ZFHX3: variants seen among roughly 807,000 people sequenced by gnomAD.
ZFHX3 encodes zinc finger homeobox 3.
ZFHX3 carries 42 observed loss-of-function variants against 279.1 expected under a neutral mutation model. The ratio of observed to expected loss-of-function variants is 0.15; its 90% confidence interval spans 0.12 to 0.19. ZFHX3 has a LOEUF of 0.19. ZFHX3 is among the 10% of genes least tolerant of loss of function. The probability of loss-of-function intolerance (pLI) is 1.00; values close to 1 mark genes in which losing one functional copy is unlikely to be tolerated. For missense variants in ZFHX3, 4,981 were observed against 4,754.0 expected (o/e 1.05, Z -1.40); for synonymous variants, 2,293 against 1,957.8 (o/e 1.17, Z -4.52).
At chr16:73,069,047 C>T (rs902222690) in intron 8 of ZFHX3, among the ~76,000 whole-genome samples, 10 of 152,316 alleles carry the variant, frequency 6.6e-5, no homozygotes, top group East Asian at 1.9e-4. Context: ...TCGCCGTGCT[C>T]GGCTGGGTTG....
At chr16:73,196,408 G>A (rs542755371) in intron 5 of ZFHX3, among the ~76,000 whole-genome samples, 18 of 152,004 alleles carry the variant, frequency 1.2e-4, no homozygotes, top group Admixed American at 3.9e-4. Context: ...TGATGGCTAC[G>A]GACTTCGATA....
chr16:73,219,917 C>T (rs1397860205), intron 5 of ZFHX3, among the ~76,000 whole-genome samples: 6 of 152,104 alleles, frequency 3.9e-5, no homozygotes, highest in Non-Finnish European at 8.8e-5. Flanking sequence ...GAAACCCCGT[C>T]TCTACCAAAA....
At chr16:73,485,653 G>T (rs1258243796) in intron 2 of ZFHX3, among the ~76,000 whole-genome samples, 2 of 151,974 alleles carry the variant, frequency 1.3e-5, no homozygotes, top group Admixed American at 6.6e-5. Flanking sequence ...TGTGTGTGTT[G>T]AACCCAGTAT....
At chr16:72,860,074 G>A (rs534424300) in intron 4 of ZFHX3, among the ~76,000 whole-genome samples, 13 of 152,326 alleles carry the variant, frequency 8.5e-5, no homozygotes, top group African/African-American at 3.1e-4. Flanking sequence ...CAGCTGGGAA[G>A]TACAACACTC....
intron 1 of ZFHX3, among the ~76,000 whole-genome samples, chr16:73,854,888 G>A (rs1202959937): frequency 6.6e-6 from 1 of 151,848 alleles, no homozygotes; most frequent in Admixed American, 6.6e-5. Flanking sequence ...CCACAAGGAT[G>A]CTACAATTAA....
At chr16:73,036,021 T>G (rs916035048) in intron 1 of ZFHX3, among the ~76,000 whole-genome samples, 10 of 152,248 alleles carry the variant, frequency 6.6e-5, no homozygotes, top group Non-Finnish European at 1.3e-4. Flanking sequence ...AAGAGAAGAC[T>G]TCTCCCTTTT....
rs1370945869 is a variant in ZFHX3, at chr16:73,199,399, C to T, written c.-1103-55568G>A. Among the ~76,000 whole-genome samples the T allele has an allele frequency of 2.6e-5, 4 of 152,190 alleles. No individual in the cohort carries two copies. The East Asian group carries it at 7.7e-4, about 29-fold the overall frequency. ...CCAAGTCCATGGCCCATGAAAGTGACTCTGCTGCCATCTATGCCCAAAGCC... is the reference window on the plus strand; with the variant it reads ...CCAAGTCCATGGCCCATGAAAGTGATTCTGCTGCCATCTATGCCCAAAGCC... On this transcript the variant is annotated intron_variant, in intron 5 of 17. Transcript: ENST00000641206.
intron 5 of ZFHX3, among the ~76,000 whole-genome samples, chr16:73,146,432 A>C (rs1966863695): frequency 1.1e-5 from 1 of 90,860 alleles, no homozygotes; most frequent in Non-Finnish European, 2.4e-5. Flanking sequence ...ATCTCAAAAG[A>C]AAAAAAAAAA....
chr16:73,726,719 G>A (rs770854085), intron 1 of ZFHX3, among the ~76,000 whole-genome samples: 3 of 152,082 alleles, frequency 2.0e-5, no homozygotes, highest in Non-Finnish European at 2.9e-5. Flanking sequence ...AGGAGGAGGC[G>A]CCATACTTTC....
At chr16:73,887,402 C>T (rs2030381822) in intron 1 of ZFHX3, among the ~76,000 whole-genome samples, 1 of 152,118 alleles carries the variant, frequency 6.6e-6, no homozygotes, top group Admixed American at 6.5e-5. Flanking sequence ...TTAAAACATT[C>T]CTCTGAGTCT....
intron 2 of ZFHX3, among the ~76,000 whole-genome samples, chr16:73,555,669 A>C (rs964848456): frequency 2.7e-4 from 41 of 151,712 alleles, no homozygotes; most frequent in Admixed American, 5.2e-4. Context: ...CATCTCTACT[A>C]AAAATATAAA....
intron 1 of ZFHX3, among the ~76,000 whole-genome samples, chr16:73,773,263 A>G (rs77455600): frequency 0.024 from 3,678 of 152,334 alleles, 80 homozygotes; most frequent in East Asian, 0.093. Context: ...GTTCTAGAGG[A>G]GGGTGCCACC....
At chr16:73,399,174 G>A (rs114089681) in intron 3 of ZFHX3, among the ~76,000 whole-genome samples, 2,600 of 152,110 alleles carry the variant, frequency 0.017, 91 homozygotes, top group African/African-American at 0.058. Context: ...CACTGTGCCC[G>A]GCTGGCAGTG....
chr16:73,841,689 G>A (rs753719744), intron 1 of ZFHX3, among the ~76,000 whole-genome samples: 3 of 152,128 alleles, frequency 2.0e-5, no homozygotes, highest in East Asian at 3.8e-4. Flanking sequence ...GCAGAGGCAC[G>A]GGAAGAAATC....
At chr16:73,232,737 G>T (rs1259375634) in intron 5 of ZFHX3, 1 of 152,234 alleles carries the variant, frequency 6.6e-6, no homozygotes, top group Non-Finnish European at 1.5e-5. Context: ...AGCGGCAGCA[G>T]TGAGGTAAAA....
chr16:73,287,891 T>G (rs1338499138), intron 4 of ZFHX3, among the ~76,000 whole-genome samples: 1 of 151,858 alleles, frequency 6.6e-6, no homozygotes, highest in Non-Finnish European at 1.5e-5. Context: ...TGTACGGCTG[T>G]GTGGGTGTGA....
At chr16:72,840,240 T>C (rs1257227105) in intron 4 of ZFHX3, among the ~76,000 whole-genome samples, 1 of 152,038 alleles carries the variant, frequency 6.6e-6, no homozygotes, top group Non-Finnish European at 1.5e-5. Context: ...TATATACAAA[T>C]GAAGGTGTAT....
intron 2 of ZFHX3, among the ~76,000 whole-genome samples, chr16:73,641,115 G>A (rs2052569252): frequency 6.6e-6 from 1 of 152,116 alleles, no homozygotes. Context: ...TTTGGGGTTG[G>A]AATAAAGATA....
chr16:73,232,309 A>G (rs2012802094), intron 5 of ZFHX3: 1 of 152,230 alleles, frequency 6.6e-6, no homozygotes, highest in African/African-American at 2.4e-5. Flanking sequence ...CAATATCCGT[A>G]TTGATTATTC....
Sources: allele counts gnomAD v4.1 joint callset (sites outside exome capture counted in the v4.1 genomes callset), GRCh38; gene constraint gnomAD v4.1.1; transcripts MANE v1.5; gene names NCBI Gene and HGNC (gene_info 2026-07-23, HGNC 2026-07-21).